Variants in ARHGEF18 observed in about 807,000 individuals in gnomAD.
ARHGEF18 encodes rho guanine nucleotide exchange factor 18.
ARHGEF18 carries 93 observed loss-of-function variants against 155.7 expected under a neutral mutation model. The observed-to-expected ratio is 0.60, with a 90% CI of 0.50 to 0.71. ARHGEF18 has a LOEUF of 0.71. Among genes scored for constraint, ARHGEF18 ranks in the 30% least tolerant of loss-of-function variants. The pLI, the probability that ARHGEF18 is intolerant of heterozygous loss-of-function variation, is 0.00. For synonymous variants in ARHGEF18, 742 were observed against 753.1 expected (o/e 0.99, Z 0.24); for missense variants, 1,593 against 1,816.1 (o/e 0.88, Z 2.23).
chr19:7,355,458 G>A (rs190407862), intron 1 of ARHGEF18, among the ~76,000 whole-genome samples: 63 of 152,314 alleles, frequency 4.1e-4, no homozygotes, highest in Middle Eastern at 3.4e-3. Flanking sequence ...GGGGTCCCTG[G>A]GCCCCTGAGC....
At chr19:7,380,227 C>T (rs139155799) in intron 7 of ARHGEF18, among the ~76,000 whole-genome samples, 1,759 of 151,934 alleles carry the variant, frequency 0.012, 32 homozygotes, top group African/African-American at 0.04. Flanking sequence ...ACCTGTAATC[C>T]CAGCACTTTG....
At chr19:7,466,635 T>G (rs1244143389) in intron 23 of ARHGEF18, among the ~76,000 whole-genome samples, 1 of 150,380 alleles carries the variant, frequency 6.6e-6, no homozygotes, top group Non-Finnish European at 1.5e-5. Context: ...AAACTCCGTT[T>G]CTACTAAAAA....
Position 7,355,475 on chromosome 19 carries a change from C to T in ARHGEF18, c.-111+6234C>T. The T allele has an allele frequency of 5.6e-6, 2 of 358,772 alleles. 1 individual carries two copies. The highest frequency in any genetic ancestry group is 7.8e-6 in the Non-Finnish European group (2 of 256,996). The allele number at this position is 358,772 out of a possible 1,614,324, so 22.2% of individuals were successfully genotyped here. ...GGTCCCTGGGCCCCTGAGCTGGAAA[C>T]CCCAGCCCCCCTGCTGAAGCCCCAG... is the stretch of plus-strand genomic sequence containing the variant. On this transcript the variant is annotated intron_variant, in intron 1 of 28. Coordinates refer to ENST00000668164, the MANE Select transcript of ARHGEF18 (RefSeq NM_001367823.1).
intron 10 of ARHGEF18, among the ~76,000 whole-genome samples, chr19:7,387,163 T>C (rs1398677494): frequency 6.6e-6 from 1 of 152,046 alleles, no homozygotes; most frequent in East Asian, 1.9e-4. Flanking sequence ...TGTTTGTTTG[T>C]TTGTTTTGAG....
At chr19:7,366,856 G>C (rs1189653171) in intron 2 of ARHGEF18, among the ~76,000 whole-genome samples, 2 of 152,044 alleles carry the variant, frequency 1.3e-5, no homozygotes, top group African/African-American at 4.8e-5. Flanking sequence ...TCTGCCTCCT[G>C]AACTCAAGCA....
chr19:7,388,185 A>G (rs920023285), intron 10 of ARHGEF18, among the ~76,000 whole-genome samples: 2 of 152,092 alleles, frequency 1.3e-5, no homozygotes, highest in African/African-American at 4.8e-5. Context: ...TGCACAAATA[A>G]TAACAATGGT....
At position 7,385,871 on chromosome 19, in the gene ARHGEF18, C is replaced by CT. The variant is rs1568285796; in HGVS notation, c.967+2668_967+2669insT. ...TCTCTCTCTCTCTCTCTCTCTCTCT[C>CT]CCCCCTCCCTCTCTCCCTCCCTCCC... On this transcript the variant is annotated intron_variant, in intron 10 of 28. Transcript: ENST00000668164. Among the ~76,000 whole-genome samples, 245 of 66,682 alleles carry CT rather than the reference C, an allele frequency of 3.7e-3. 27 individuals are homozygous for CT. Among genetic ancestry groups the CT allele is most frequent in the East Asian group, 0.031 (62 of 2,000 alleles). 43.7% of individuals were successfully genotyped at this position (66,682 alleles called of 152,430 possible). A position where few individuals can be genotyped will look rare whatever the true frequency, so the allele number is the denominator to read the frequency against.
At position 7,455,508 on chromosome 19, in the gene ARHGEF18, C is replaced by T. The variant is rs116156861; in HGVS notation, c.2105-819C>T. Among the ~76,000 whole-genome samples, 1,442 of 152,212 alleles carry T rather than the reference C, an allele frequency of 9.5e-3. 18 individuals are homozygous for T. The highest frequency in any genetic ancestry group is 0.02 in the Middle Eastern group (6 of 294). ...ACGAGAGGTTCATACAGGGACAAGG[C>T]GCCAAGGGGGACTGAGGGGCACGAG... On this transcript the variant is annotated intron_variant, in intron 17 of 28. Transcript: ENST00000668164.
chr19:7,350,474 T>C (rs1434861043), intron 1 of ARHGEF18, among the ~76,000 whole-genome samples: 1 of 152,162 alleles, frequency 6.6e-6, no homozygotes, highest in East Asian at 1.9e-4. Context: ...GGCTGCTTGG[T>C]AGAGGCAGCC....
chr19:7,428,931 C>T (rs189070134), intron 10 of ARHGEF18, among the ~76,000 whole-genome samples: 1 of 152,298 alleles, frequency 6.6e-6, no homozygotes, highest in African/African-American at 2.4e-5. Flanking sequence ...CAGCACCTGA[C>T]CCTTGCTCCC....
At chr19:7,354,911 C>T (rs568458620) in intron 1 of ARHGEF18, among the ~76,000 whole-genome samples, 2 of 147,374 alleles carry the variant, frequency 1.4e-5, no homozygotes, top group East Asian at 1.9e-4. Context: ...AACTAACAAA[C>T]AACAAACAAA....
At chr19:7,454,405 G>C (rs1360282518) in intron 17 of ARHGEF18, among the ~76,000 whole-genome samples, 2 of 151,796 alleles carry the variant, frequency 1.3e-5, no homozygotes, top group Admixed American at 1.3e-4. Context: ...TCTTGGAATG[G>C]TGGCATCATC....
chr19:7,456,492 A>G lies in ARHGEF18; in HGVS notation c.2181+89A>G, dbSNP rs758573485. 7.8e-5 allele frequency: 92 copies of G among 1,177,806 alleles called. 1 individual carries two copies. Among genetic ancestry groups the G allele is most frequent in the Non-Finnish European group, 1.0e-4 (81 of 789,720 alleles). 73.0% of individuals were successfully genotyped at this position (1,177,806 alleles called of 1,614,324 possible). A position where few individuals can be genotyped will look rare whatever the true frequency, so the allele number is the denominator to read the frequency against. ...AGCACTTTGGGAGGCCGAGGTGGGC[A>G]GATCACTTGAGGTCAAGAGTTGAAG... On this transcript the variant is annotated intron_variant, in intron 18 of 28. Coordinates refer to ENST00000668164, the MANE Select transcript of ARHGEF18 (RefSeq NM_001367823.1).
chr19:7,450,488 C>T (rs909026754), intron 15 of ARHGEF18, among the ~76,000 whole-genome samples: 6 of 47,922 alleles, frequency 1.3e-4, no homozygotes, highest in African/African-American at 4.2e-4. Flanking sequence ...TTTCCGTTTC[C>T]GAGATGTTAA....
chr19:7,458,226 G>T (rs1039344412), intron 18 of ARHGEF18, among the ~76,000 whole-genome samples: 1 of 148,898 alleles, frequency 6.7e-6, no homozygotes, highest in South Asian at 2.1e-4. Context: ...GGTCAAGGCT[G>T]CAGGGAACAA....
At position 7,467,166 on chromosome 19, in the gene ARHGEF18, C is replaced by T. The variant is rs758459449; in HGVS notation, c.3009+48C>T. 1.6e-5 allele frequency: 26 copies of T among 1,577,664 alleles called. No homozygotes were observed. The Admixed American group carries it at 2.1e-4, about 13-fold the overall frequency. ...GCCACGCGTGCCCTTTCCTGGTTGG[C>T]TGGGGCGCAGGTGCGGCTCTCACTC... On this transcript the variant is annotated intron_variant, in intron 25 of 28. Transcript: ENST00000668164.
chr19:7,385,271 ACTTC>A (rs1186596779), intron 10 of ARHGEF18, among the ~76,000 whole-genome samples: 2 of 151,782 alleles, frequency 1.3e-5, no homozygotes, highest in Admixed American at 6.6e-5. Context: ...TGAACCATGC[ACTTC>A]CTTCTGTGAT....
At chr19:7,458,990 T>A (rs1344595203) in intron 19 of ARHGEF18, among the ~76,000 whole-genome samples, 2 of 152,172 alleles carry the variant, frequency 1.3e-5, no homozygotes, top group East Asian at 3.9e-4. Flanking sequence ...TTGTCCTTCC[T>A]CCTTGGGCCG....
chr19:7,398,158 C>T (rs532898254), intron 10 of ARHGEF18, among the ~76,000 whole-genome samples: 1 of 152,048 alleles, frequency 6.6e-6, no homozygotes, highest in Non-Finnish European at 1.5e-5. Flanking sequence ...CTACAACCTC[C>T]GCCTCCCAAG....
Sources: gnomAD v4.1 joint callset for allele counts (sites outside exome capture counted in the v4.1 genomes callset) on GRCh38, gnomAD v4.1.1 for gene constraint, MANE v1.5 for transcripts, NCBI Gene and HGNC (gene_info 2026-07-23, HGNC 2026-07-21) for gene names.